The following SASS6 variants were observed in gnomAD, a reference collection of about 807,000 sequenced individuals.
SASS6 encodes the protein SAS-6 centriolar assembly protein.
A neutral mutation model predicts 94.9 loss-of-function variants in SASS6; 59 were observed. That is an observed-to-expected ratio of 0.62 (90% CI 0.50 to 0.77). The LOEUF (loss-of-function observed/expected upper bound fraction) is 0.77, where lower values mean the gene tolerates loss of function less well. SASS6 is among the 30% of genes least tolerant of loss of function. The pLI is 0.00. For missense variants in SASS6, 698 were observed against 734.1 expected, an observed-to-expected ratio of 0.95 and a Z score of 0.57; for synonymous variants, 264 against 270.0, an observed-to-expected ratio of 0.98 and a Z score of 0.22.
intron 14 of SASS6, among the ~76,000 whole-genome samples, chr1:100,102,363 CA>C (rs1557883821): frequency 6.6e-6 from 1 of 152,012 alleles, no homozygotes; most frequent in East Asian, 1.9e-4. Context: ...GTAGGAGACA[CA>C]AGTAGAAGAA....
intron 6 of SASS6, 30 bp downstream of exon 6, chr1:100,120,364 C>G (rs777476715): frequency 1.7e-6 from 2 of 1,192,566 alleles, no homozygotes; most frequent in Non-Finnish European, 2.5e-6. Context: ...GTCTGGATGA[C>G]TTACAAAGAC....
intron 1 of SASS6, among the ~76,000 whole-genome samples, chr1:100,127,625 T>C (rs900702413): frequency 3.9e-5 from 6 of 152,262 alleles, no homozygotes; most frequent in Non-Finnish European, 8.8e-5. Context: ...GAGAATACAC[T>C]GTTGCTATTT....
At chr1:100,129,333 AAT>A (rs1299656033) in intron 1 of SASS6, among the ~76,000 whole-genome samples, 2 of 152,156 alleles carry the variant, frequency 1.3e-5, no homozygotes, top group East Asian at 3.9e-4. Context: ...AGATGAGATT[AAT>A]GACTTTTTGC....
chr1:100,102,192 G>C (rs1331863267), intron 14 of SASS6, among the ~76,000 whole-genome samples: 1 of 152,016 alleles, frequency 6.6e-6, no homozygotes, highest in East Asian at 1.9e-4. Context: ...GGGTTGGGGG[G>C]ATTGCTAGTC....
At position 100,129,056 on chromosome 1, in the gene SASS6, T is replaced by C. The variant is rs529385795; in HGVS notation, c.66-3114A>G. On this transcript the variant is annotated intron_variant, in intron 1 of 16. Transcript: ENST00000287482. ...GAGTTCAAGACCAGCATGGGCAACATAGCAAAATCCTATCTCTACAAAAAA... is the reference window on the plus strand; with the variant it reads ...GAGTTCAAGACCAGCATGGGCAACACAGCAAAATCCTATCTCTACAAAAAA... Among the ~76,000 whole-genome samples the C allele has an allele frequency of 3.9e-5, 6 of 152,036 alleles. No individual in the cohort carries two copies. In the South Asian group the frequency reaches 1.0e-3, roughly 26 times the overall value.
At chr1:100,107,093 C>A in intron 11 of SASS6, 100 bp from the exon 12 acceptor site, 1 of 612,886 alleles carries the variant, frequency 1.6e-6, no homozygotes. Flanking sequence ...TAAATGGTTA[C>A]TACTACTATT....
rs1306392763 is a variant in SASS6, at chr1:100,107,944, C to T, written c.922G>A (p.Val308Ile). The change falls in exon 9 of 17, where the codon GTT becomes ATT. Residue 308 changes from valine (V) to isoleucine (I), a missense_variant. Coordinates refer to ENST00000287482, the MANE Select transcript of SASS6 (RefSeq NM_194292.3). The part of the protein sequence containing the change: ...SLRRENSTLD[V>I]ECHEKEKHVN... ...TGCTTTTCTTTCTCGTGGCATTCAA[C>T]ATCTAGTGTAGAATTCTCTCTTCGC... The T allele has an allele frequency of 6.2e-7, 1 of 1,612,986 alleles. No homozygotes were observed. Among genetic ancestry groups the T allele is most frequent in the Admixed American group, 1.7e-5 (1 of 60,010 alleles).
At chr1:100,100,915 T>G (rs1341347422) in intron 14 of SASS6, among the ~76,000 whole-genome samples, 1 of 152,234 alleles carries the variant, frequency 6.6e-6, no homozygotes, top group African/African-American at 2.4e-5. Flanking sequence ...CACTGAGGTC[T>G]GAGAAGAAAA....
chr1:100,100,130 G>A (rs909698630), intron 14 of SASS6, among the ~76,000 whole-genome samples: 2 of 152,060 alleles, frequency 1.3e-5, no homozygotes, highest in Non-Finnish European at 2.9e-5. Flanking sequence ...GCCAGGTGTG[G>A]TGCTGCACAC....
At chr1:100,119,396 T>G (rs1654008568) in intron 6 of SASS6, among the ~76,000 whole-genome samples, 1 of 152,224 alleles carries the variant, frequency 6.6e-6, no homozygotes. Context: ...ATCTGGCTCT[T>G]TACCACCCAA....
chr1:100,104,208 T>C (rs980506605), intron 13 of SASS6, among the ~76,000 whole-genome samples: 1 of 152,232 alleles, frequency 6.6e-6, no homozygotes, highest in Non-Finnish European at 1.5e-5. Context: ...AGGATGCTTA[T>C]GGGCCATATC....
At chr1:100,112,404 G>A (rs1653415899) in intron 7 of SASS6, among the ~76,000 whole-genome samples, 2 of 151,972 alleles carry the variant, frequency 1.3e-5, no homozygotes, top group African/African-American at 4.8e-5. Context: ...GTGTTGCTAG[G>A]ACTTTCCTCA....
In SASS6 at chr1:100,101,415, TG is replaced by T. The variant is rs1028407495; in HGVS notation, c.1674+1539del. ...CAGGAAACACTGAAAGTCTTGCTCCTGTATTTAAGAACATAATTATTATAAT... is the reference window on the plus strand; with the variant it reads ...CAGGAAACACTGAAAGTCTTGCTCCTTATTTAAGAACATAATTATTATAAT... On this transcript the variant is annotated intron_variant, in intron 14 of 16. Coordinates refer to ENST00000287482, the MANE Select transcript of SASS6 (RefSeq NM_194292.3). Among the ~76,000 whole-genome samples the T allele has an allele frequency of 7.4e-4, 112 of 152,114 alleles. 1 individual carries two copies. Among genetic ancestry groups the T allele is most frequent in the African/African-American group, 2.6e-3 (109 of 41,502 alleles).
chr1:100,126,129 C>A (rs958956279), intron 1 of SASS6, among the ~76,000 whole-genome samples, 187 bp from the exon 2 acceptor site: 9 of 152,194 alleles, frequency 5.9e-5, no homozygotes, highest in African/African-American at 2.2e-4. Context: ...AGTGAGTAAT[C>A]TAGCAGTGTT....
chr1:100,121,351 AAAG>A (rs780061973), intron 5 of SASS6, 24 bp downstream of exon 5: 4 of 1,400,614 alleles, frequency 2.9e-6, no homozygotes, highest in Non-Finnish European at 3.9e-6. Context: ...TATTTTGTTA[AAAG>A]AATAACTTAA....
intron 4 of SASS6, among the ~76,000 whole-genome samples, chr1:100,122,047 T>C (rs1654236204): frequency 6.6e-6 from 1 of 152,218 alleles, no homozygotes; most frequent in Non-Finnish European, 1.5e-5. Flanking sequence ...AGGTTGATGG[T>C]GAACTTTACA....
intron 1 of SASS6, among the ~76,000 whole-genome samples, chr1:100,128,963 G>A (rs1654823025): frequency 6.6e-6 from 1 of 152,152 alleles, no homozygotes; most frequent in Non-Finnish European, 1.5e-5. Context: ...CAGGGGCTTG[G>A]CACAGTGGCT....
intron 13 of SASS6, 82 bp from the exon 14 acceptor site, chr1:100,103,165 G>A: frequency 1.2e-6 from 1 of 836,128 alleles, no homozygotes; most frequent in Non-Finnish European, 1.9e-6. Context: ...ATTAGCATCT[G>A]TTATAATAAC....
chr1:100,105,741 C>A (rs1407269036), intron 13 of SASS6, 26 bp downstream of exon 13: 1 of 1,598,502 alleles, frequency 6.3e-7, no homozygotes, highest in African/African-American at 1.3e-5. Flanking sequence ...TCACTAAGAT[C>A]ACTCACATCT....
Sources: gnomAD v4.1 joint callset for allele counts (sites outside exome capture counted in the v4.1 genomes callset) on GRCh38, gnomAD v4.1.1 for gene constraint, MANE v1.5 for transcripts, NCBI Gene and HGNC (gene_info 2026-07-23, HGNC 2026-07-21) for gene names.